The following MACROD2 variants were observed in gnomAD, a reference collection of about 807,000 sequenced individuals.
MACROD2 encodes mono-ADP ribosylhydrolase 2, also known as ADP-ribose glycohydrolase MACROD2.
MACROD2 carries 36 observed loss-of-function variants against 70.4 expected under a neutral mutation model. That is an observed-to-expected ratio of 0.51 (90% CI 0.39 to 0.68). The LOEUF (loss-of-function observed/expected upper bound fraction) is 0.68. Among genes scored for constraint, MACROD2 ranks in the 30% least tolerant of loss-of-function variants. MACROD2 has a pLI of 0.00. For missense variants in MACROD2, 496 were observed against 538.4 expected, an observed-to-expected ratio of 0.92 and a Z score of 0.78; for synonymous variants, 172 against 178.8, an observed-to-expected ratio of 0.96 and a Z score of 0.30.
chr20:15,885,469 G>A (rs1025237145), intron 9 of MACROD2, among the ~76,000 whole-genome samples: 1 of 152,132 alleles, frequency 6.6e-6, no homozygotes, highest in African/African-American at 2.4e-5. Flanking sequence ...TGAAATGACT[G>A]AAGTGACCAT....
chr20:14,387,059 T>C (rs1284729676), intron 3 of MACROD2, among the ~76,000 whole-genome samples: 1 of 152,240 alleles, frequency 6.6e-6, no homozygotes, highest in East Asian at 1.9e-4. Flanking sequence ...TCATACATCA[T>C]TCTCCTGAAT....
At chr20:15,828,285 G>GT (rs2064019202) in intron 8 of MACROD2, among the ~76,000 whole-genome samples, 1 of 152,108 alleles carries the variant, frequency 6.6e-6, no homozygotes, top group Non-Finnish European at 1.5e-5. Context: ...ATAAAACTTA[G>GT]TTTGGGGACA....
intron 4 of MACROD2, among the ~76,000 whole-genome samples, chr20:14,564,103 C>A (rs1178057824): frequency 2.6e-5 from 4 of 151,880 alleles, no homozygotes; most frequent in African/African-American, 9.7e-5. Flanking sequence ...GAATGAACAT[C>A]TTATTCAATA....
chr20:15,920,231 A>G (rs1475581485), intron 10 of MACROD2, among the ~76,000 whole-genome samples: 1 of 152,190 alleles, frequency 6.6e-6, no homozygotes, highest in African/African-American at 2.4e-5. Flanking sequence ...AAAGGAGATG[A>G]CGGGGGTTAG....
chr20:15,417,635 A>G (rs1007488580), intron 6 of MACROD2, among the ~76,000 whole-genome samples: 3 of 147,662 alleles, frequency 2.0e-5, no homozygotes, highest in Non-Finnish European at 3.0e-5. Context: ...GAAAGAAAAG[A>G]AAAGAAAAAA....
intron 8 of MACROD2, among the ~76,000 whole-genome samples, chr20:15,591,785 CT>C (rs1264294156): frequency 6.6e-6 from 1 of 152,078 alleles, no homozygotes; most frequent in African/African-American, 2.4e-5. Context: ...GGAAATTAAA[CT>C]GAGCTTCCAT....
chr20:15,263,719 T>G (rs963742020), intron 6 of MACROD2, among the ~76,000 whole-genome samples: 5 of 151,310 alleles, frequency 3.3e-5, no homozygotes, highest in African/African-American at 4.9e-5. Context: ...CATCAATACT[T>G]TATACTGCTC....
chr20:15,410,114 A>G (rs376996381), intron 6 of MACROD2, among the ~76,000 whole-genome samples: 4 of 152,282 alleles, frequency 2.6e-5, no homozygotes, highest in African/African-American at 4.8e-5. Context: ...GTAGATATAC[A>G]TGATGGAGGA....
chr20:15,211,395 T>A (rs923041600), intron 5 of MACROD2, among the ~76,000 whole-genome samples: 2 of 152,200 alleles, frequency 1.3e-5, no homozygotes, highest in Non-Finnish European at 2.9e-5. Context: ...ACGCAGCTGA[T>A]GTGGTTTAGA....
chr20:14,466,882 C>T (rs1041648209), intron 3 of MACROD2, among the ~76,000 whole-genome samples: 1 of 152,064 alleles, frequency 6.6e-6, no homozygotes, highest in East Asian at 1.9e-4. Flanking sequence ...GCTGCCTGAT[C>T]GTTCCTCTGG....
At chr20:15,222,160 G>A (rs545884334) in intron 5 of MACROD2, among the ~76,000 whole-genome samples, 23 of 152,090 alleles carry the variant, frequency 1.5e-4, no homozygotes, top group Non-Finnish European at 3.2e-4. Flanking sequence ...TAGTCTTTCC[G>A]GACATAGACA....
At chr20:14,683,292 A>G (rs1050285166) in intron 4 of MACROD2, among the ~76,000 whole-genome samples, 23 of 152,222 alleles carry the variant, frequency 1.5e-4, no homozygotes, top group Non-Finnish European at 2.4e-4. Context: ...ACTAGACACT[A>G]TGCTGAATGC....
At chr20:15,954,110 T>C (rs776159227) in intron 12 of MACROD2, among the ~76,000 whole-genome samples, 1 of 152,170 alleles carries the variant, frequency 6.6e-6, no homozygotes, top group African/African-American at 2.4e-5. Flanking sequence ...ATTAATATAT[T>C]GCACTTGAAG....
intron 3 of MACROD2, among the ~76,000 whole-genome samples, chr20:14,230,189 A>C (rs1440836435): frequency 6.6e-6 from 1 of 152,158 alleles, no homozygotes; most frequent in Non-Finnish European, 1.5e-5. Context: ...GAAGTAAGAC[A>C]ACAGGGAAGT....
intron 12 of MACROD2, among the ~76,000 whole-genome samples, chr20:15,954,025 G>A (rs1244801371): frequency 6.6e-6 from 1 of 152,080 alleles, no homozygotes; most frequent in Non-Finnish European, 1.5e-5. Context: ...GCTTTAATGA[G>A]CCCAAGATTA....
At chr20:15,674,678 G>T (rs937671004) in intron 8 of MACROD2, among the ~76,000 whole-genome samples, 2 of 151,914 alleles carry the variant, frequency 1.3e-5, no homozygotes, top group African/African-American at 4.8e-5. Flanking sequence ...ATCCTCGCAT[G>T]GTAGGCATTT....
chr20:14,520,971 A>ACACACG lies in MACROD2; in HGVS notation c.301+27466_301+27467insACGCAC, dbSNP rs138681718. 3.1e-3 allele frequency among the ~76,000 whole-genome samples: 469 copies of ACACACG among 151,492 alleles called. 2 individuals are homozygous for ACACACG. The highest frequency in any genetic ancestry group is 9.3e-3 in the African/African-American group (385 of 41,240). ...CGTGCGTGCGCGCACACACACACACACACGCACACACACACCCCCCAAATA... is the reference window on the plus strand; with the variant it reads ...CGTGCGTGCGCGCACACACACACACACACACGCACGCACACACACACCCCCCAAATA... On this transcript the variant is annotated intron_variant, in intron 4 of 17. Coordinates refer to ENST00000684519, the MANE Select transcript of MACROD2 (RefSeq NM_001351661.2).
intron 4 of MACROD2, among the ~76,000 whole-genome samples, chr20:14,640,745 A>G (rs539813789): frequency 1.3e-4 from 20 of 152,350 alleles, no homozygotes; most frequent in African/African-American, 4.8e-4. Flanking sequence ...TATTAGGTGT[A>G]TAATAGCATT....
chr20:14,559,057 C>T (rs957193564), intron 4 of MACROD2, among the ~76,000 whole-genome samples: 2 of 151,664 alleles, frequency 1.3e-5, no homozygotes, highest in African/African-American at 4.8e-5. Flanking sequence ...TGTTCTAAAG[C>T]AGCATTTCTT....
Sources: allele counts gnomAD v4.1 joint callset (sites outside exome capture counted in the v4.1 genomes callset), GRCh38; gene constraint gnomAD v4.1.1; transcripts MANE v1.5; gene names NCBI Gene and HGNC (gene_info 2026-07-23, HGNC 2026-07-21).